The following KCTD20 variants were observed in gnomAD, a reference collection of about 807,000 sequenced individuals.
KCTD20 encodes potassium channel tetramerization domain containing 20.
KCTD20 carries 30 observed loss-of-function variants against 39.6 expected under a neutral mutation model. That is an observed-to-expected ratio of 0.76 (90% CI 0.57 to 1.03). The LOEUF (loss-of-function observed/expected upper bound fraction) is 1.03. Among genes scored for constraint, KCTD20 ranks in the 50% least tolerant of loss-of-function variants. The probability of loss-of-function intolerance (pLI) is 0.00; values close to 1 mark genes in which losing one functional copy is unlikely to be tolerated. For synonymous variants in KCTD20, 162 were observed against 180.6 expected, an observed-to-expected ratio of 0.90 and a Z score of 0.83; for missense variants, 422 against 522.0, an observed-to-expected ratio of 0.81 and a Z score of 1.87.
chr6:36,448,837 A>T (rs186245730), intron 1 of KCTD20, among the ~76,000 whole-genome samples: 4 of 152,042 alleles, frequency 2.6e-5, no homozygotes, highest in Admixed American at 2.6e-4. Flanking sequence ...ACATGTTCAG[A>T]TGTGTCTGGA....
At chr6:36,447,154 C>G (rs902743672) in intron 1 of KCTD20, among the ~76,000 whole-genome samples, 3 of 152,068 alleles carry the variant, frequency 2.0e-5, no homozygotes, top group African/African-American at 4.8e-5. Context: ...GGGTTCAAAT[C>G]CTGACTCCTC....
At chr6:36,486,761 C>T (rs1173572656) in intron 7 of KCTD20, 122 bp from the exon 8 acceptor site, 1 of 798,198 alleles carries the variant, frequency 1.3e-6, no homozygotes, top group Non-Finnish European at 2.1e-6. Flanking sequence ...GGACTGGTCA[C>T]TTCGCACATA....
rs1309424878 is a variant in KCTD20 at position 36,490,081 on chromosome 6, T to G, written c.*2906T>G. 2 of 152,174 alleles carry G rather than the reference T, an allele frequency of 1.3e-5. No individual in the cohort carries two copies. The highest frequency in any genetic ancestry group is 2.9e-5 in the Non-Finnish European group (2 of 68,042). The allele number at this position is 152,174 out of a possible 1,614,324, so 9.4% of individuals were successfully genotyped here. A position where few individuals can be genotyped will look rare whatever the true frequency, so the allele number is the denominator to read the frequency against. On this transcript the variant is annotated 3_prime_UTR_variant, in exon 8 of 8. Coordinates refer to ENST00000373731, the MANE Select transcript of KCTD20 (RefSeq NM_173562.5). ...TCTAATATATACAGGTCTATGAAAA[T>G]ACTGTGGAATAAGCCCAGGAAGGTT... is the stretch of plus-strand genomic sequence containing the variant.
At chr6:36,460,315 C>CT (rs898011226) in intron 1 of KCTD20, among the ~76,000 whole-genome samples, 43 of 129,392 alleles carry the variant, frequency 3.3e-4, no homozygotes, top group Admixed American at 3.4e-4. Context: ...TTAGATCTCT[C>CT]TTTTTTTTTC....
intron 3 of KCTD20, among the ~76,000 whole-genome samples, chr6:36,476,301 G>GA (rs1776059388): frequency 1.3e-5 from 2 of 152,136 alleles, no homozygotes; most frequent in East Asian, 3.9e-4. Flanking sequence ...ATCTAACTCA[G>GA]GACTTTGAAT....
At chr6:36,478,107 A>G (rs1776128723) in intron 3 of KCTD20, among the ~76,000 whole-genome samples, 1 of 130,064 alleles carries the variant, frequency 7.7e-6, no homozygotes. Context: ...AAAAAAAAAG[A>G]AAAGAAAAGC....
rs186107185 is a variant in KCTD20, at chr6:36,479,216, C to T, written c.530C>T (p.Thr177Ile). 60 of 1,611,188 alleles carry T rather than the reference C, an allele frequency of 3.7e-5. No individual in the cohort carries two copies. Among genetic ancestry groups the T allele is most frequent in the Non-Finnish European group, 4.7e-5 (55 of 1,177,600 alleles). Residue 177 changes from threonine (T) to isoleucine (I), a missense_variant, in exon 4 of 8, where the codon ACA becomes ATA. Coordinates refer to ENST00000373731, the MANE Select transcript of KCTD20 (RefSeq NM_173562.5). Reference protein sequence around the residue: ...AEGISATVFRTVLDYYKTGII... With the variant: ...AEGISATVFRIVLDYYKTGII... ...GGCATCAGTGCAACTGTATTTCGCA[C>T]AGTGCTGGTGTGTGGTAGCCTTTTT...
At chr6:36,453,655 C>T (rs556624368) in intron 1 of KCTD20, among the ~76,000 whole-genome samples, 1 of 152,058 alleles carries the variant, frequency 6.6e-6, no homozygotes, top group South Asian at 2.1e-4. Context: ...GCTGGGATTA[C>T]AGGCATGCAC....
intron 6 of KCTD20, among the ~76,000 whole-genome samples, chr6:36,482,109 C>G (rs527413218): frequency 6.6e-6 from 1 of 152,334 alleles, no homozygotes; most frequent in East Asian, 1.9e-4. Context: ...TATTCTCACT[C>G]CTGCCCCATC....
chr6:36,462,009 A>C (rs1775616472), intron 1 of KCTD20, among the ~76,000 whole-genome samples: 1 of 152,160 alleles, frequency 6.6e-6, no homozygotes, highest in Non-Finnish European at 1.5e-5. Flanking sequence ...TCCTGTCCAC[A>C]GATATCCTTT....
rs1165247180 is a variant in KCTD20, at chr6:36,479,469, AT to A, written c.538-121del. 7 of 924,746 alleles carry A rather than the reference AT, an allele frequency of 7.6e-6. No homozygotes were observed. In the African/African-American group the frequency reaches 1.2e-4, roughly 15 times the overall value. The allele number at this position is 924,746 out of a possible 1,614,324, so 57.3% of individuals were successfully genotyped here. A position where few individuals can be genotyped will look rare whatever the true frequency, so the allele number is the denominator to read the frequency against. ...GAGCTGTTTTGCCATCTAATGAATC[AT>A]CCAATTTGGTGATAATTCCAGTAGC... On this transcript the variant is annotated intron_variant, in intron 4 of 7. Coordinates refer to ENST00000373731, the MANE Select transcript of KCTD20 (RefSeq NM_173562.5).
In KCTD20 at chr6:36,470,177, T is replaced by TA; in HGVS notation, c.81dup (p.Ala28SerfsTer16). The TA allele has an allele frequency of 6.2e-7, 1 of 1,614,122 alleles. No individual in the cohort carries two copies. The highest frequency in any genetic ancestry group is 8.5e-7 in the Non-Finnish European group (1 of 1,179,986). ...TGCTTAGTGGATGATACTTTAGCTG[T>TA]AGCCCAAGAAAAAGAAGCAAACAGC... is the stretch of plus-strand genomic sequence containing the variant. On this transcript the variant is annotated frameshift_variant, in exon 2 of 8. Coordinates refer to ENST00000373731, the MANE Select transcript of KCTD20 (RefSeq NM_173562.5). LOFTEE classifies it high-confidence loss of function.
At chr6:36,446,024 G>GTTTTTGT (rs1554158233) in intron 1 of KCTD20, among the ~76,000 whole-genome samples, 3 of 126,538 alleles carry the variant, frequency 2.4e-5, no homozygotes, top group African/African-American at 5.9e-5. Context: ...TATGAACTCA[G>GTTTTTGT]TTTTTTTTTT....
chr6:36,456,953 A>T (rs139904647), intron 1 of KCTD20, among the ~76,000 whole-genome samples: 1,979 of 152,246 alleles, frequency 0.013, 40 homozygotes, highest in African/African-American at 0.045. Flanking sequence ...ATATGCCACC[A>T]TGCCTGGCTA....
At chr6:36,464,490 C>T (rs1164603292) in intron 1 of KCTD20, among the ~76,000 whole-genome samples, 3 of 152,126 alleles carry the variant, frequency 2.0e-5, no homozygotes, top group Admixed American at 6.5e-5. Context: ...CAGCTAATTT[C>T]TTATCTTTTG....
In KCTD20 at chr6:36,469,636, G is replaced by A. The variant is rs1775854142; in HGVS notation, c.-46-416G>A. On this transcript the variant is annotated intron_variant, in intron 1 of 7. Transcript: ENST00000373731. This position sits in a 1 kb window ranked among gnomAD's most constrained non-coding sequence, Gnocchi z 4.6. ...TGTGATTGTTTTTTAATTTCCTGGT[G>A]CTTAATTGTTGCAACAGTGTATGTG... Among the ~76,000 whole-genome samples, 1 of 152,096 alleles carries A rather than the reference G, an allele frequency of 6.6e-6. No homozygotes were observed. Among genetic ancestry groups the A allele is most frequent in the Non-Finnish European group, 1.5e-5 (1 of 68,030 alleles).
intron 1 of KCTD20, among the ~76,000 whole-genome samples, chr6:36,465,182 G>A (rs1775709113): frequency 6.6e-6 from 1 of 151,576 alleles, no homozygotes; most frequent in Non-Finnish European, 1.5e-5. Flanking sequence ...TGTAATCCCA[G>A]TTACTCAGGA....
Position 36,487,115 on chromosome 6 carries a change from T to G in KCTD20, c.1200T>G (p.Asp400Glu), listed in dbSNP as rs764036044. ...EILMHHPPQVDELDRLNAPLS... is the reference protein window; with the variant it reads ...EILMHHPPQVEELDRLNAPLS... ...TAATGCATCACCCACCCCAAGTGGA[T>G]GAACTTGACCGGCTAAATGCCCCAC... The change falls in exon 8 of 8, where the codon GAT becomes GAG. Residue 400 changes from aspartate (D) to glutamate (E), a missense_variant. Transcript: ENST00000373731. 1 of 1,614,164 alleles carries G rather than the reference T, an allele frequency of 6.2e-7. No individual in the cohort carries two copies. Among genetic ancestry groups the G allele is most frequent in the Non-Finnish European group, 8.5e-7 (1 of 1,180,002 alleles).
At chr6:36,466,952 G>C (rs1041823915) in intron 1 of KCTD20, among the ~76,000 whole-genome samples, 4 of 152,076 alleles carry the variant, frequency 2.6e-5, no homozygotes, top group African/African-American at 4.8e-5. Flanking sequence ...AGAGGAAATA[G>C]AGTTTATAGG....
Sources: allele counts gnomAD v4.1 joint callset (sites outside exome capture counted in the v4.1 genomes callset), GRCh38; gene constraint gnomAD v4.1.1; non-coding constraint Gnocchi (gnomAD v3.1); transcripts MANE v1.5; gene names NCBI Gene and HGNC (gene_info 2026-07-23, HGNC 2026-07-21).